Variants in CACNB2 observed in about 807,000 individuals in gnomAD.
CACNB2 encodes voltage-dependent L-type calcium channel subunit beta-2.
A neutral mutation model predicts 73.3 loss-of-function variants in CACNB2; 42 were observed. The observed-to-expected ratio is 0.57, with a 90% CI of 0.45 to 0.74. The LOEUF (loss-of-function observed/expected upper bound fraction) is 0.74. Among genes scored for constraint, CACNB2 ranks in the 30% least tolerant of loss-of-function variants. CACNB2 has a pLI of 0.00. For missense variants in CACNB2, 940 were observed against 853.0 expected (o/e 1.10, Z -1.27); for synonymous variants, 348 against 310.3 (o/e 1.12, Z -1.28).
intron 1 of CACNB2, among the ~76,000 whole-genome samples, chr10:18,144,327 G>A (rs1191558530): frequency 6.6e-6 from 1 of 152,194 alleles, no homozygotes; most frequent in African/African-American, 2.4e-5. Flanking sequence ...TGATCTGCCC[G>A]CCTTGGCCTC....
intron 2 of CACNB2, among the ~76,000 whole-genome samples, chr10:18,175,333 G>T (rs2033518260): frequency 6.6e-6 from 1 of 152,154 alleles, no homozygotes; most frequent in Non-Finnish European, 1.5e-5. Flanking sequence ...AGAAAGATCT[G>T]CCCCCAAATA....
chr10:18,533,153 T>C (rs2053231375), intron 10 of CACNB2: 1 of 152,182 alleles, frequency 6.6e-6, no homozygotes, highest in South Asian at 2.1e-4. Flanking sequence ...CATAAAAGTC[T>C]CATGGAATTC....
chr10:18,318,891 A>G (rs1330745293), intron 2 of CACNB2, among the ~76,000 whole-genome samples: 1 of 152,212 alleles, frequency 6.6e-6, no homozygotes, highest in East Asian at 1.9e-4. Context: ...AAATCAAAAC[A>G]ATGAGATACC....
chr10:18,518,462 T>C, intron 8 of CACNB2, 46 bp downstream of exon 8: 1 of 1,256,158 alleles, frequency 8.0e-7, no homozygotes, highest in Non-Finnish European at 1.2e-6. Flanking sequence ...ATGCTGAACT[T>C]CTTTGTGATG....
chr10:18,162,697 A>C (rs2032554314), intron 2 of CACNB2, among the ~76,000 whole-genome samples: 1 of 152,202 alleles, frequency 6.6e-6, no homozygotes, highest in African/African-American at 2.4e-5. Flanking sequence ...ACCTTAGGTA[A>C]GAACCAGCTC....
chr10:18,351,156 T>TTTC (rs2041690640), intron 2 of CACNB2, among the ~76,000 whole-genome samples: 2 of 151,850 alleles, frequency 1.3e-5, no homozygotes, highest in African/African-American at 4.8e-5. Context: ...TTTTCTTTTT[T>TTTC]TTTTTTTCTT....
At chr10:18,220,333 CA>C (rs2035741575) in intron 2 of CACNB2, among the ~76,000 whole-genome samples, 1 of 146,450 alleles carries the variant, frequency 6.8e-6, no homozygotes, top group Non-Finnish European at 1.5e-5. Context: ...GATCTCAGCT[CA>C]TTGCAACCCT....
chr10:18,444,410 C>CTGTTT (rs2046632905), intron 3 of CACNB2, among the ~76,000 whole-genome samples: 1 of 152,178 alleles, frequency 6.6e-6, no homozygotes. Flanking sequence ...ATTGTATTTT[C>CTGTTT]TGTTTATTTA....
intron 2 of CACNB2, among the ~76,000 whole-genome samples, chr10:18,335,548 G>A (rs1263260402): frequency 1.3e-5 from 2 of 152,086 alleles, no homozygotes; most frequent in East Asian, 1.9e-4. Flanking sequence ...GAGCCAAGAC[G>A]CTCTCCAGCC....
At chr10:18,446,786 T>A (rs1293844304) in intron 3 of CACNB2, among the ~76,000 whole-genome samples, 1 of 152,072 alleles carries the variant, frequency 6.6e-6, no homozygotes, top group Non-Finnish European at 1.5e-5. Context: ...AAAAATAAGC[T>A]AGGCACAGTG....
intron 2 of CACNB2, among the ~76,000 whole-genome samples, chr10:18,186,060 G>C (rs1348111842): frequency 3.3e-5 from 5 of 152,050 alleles, no homozygotes; most frequent in African/African-American, 1.2e-4. Flanking sequence ...TCTGCCACAT[G>C]GAAGTTATCT....
chr10:18,268,185 A>G (rs1480956608), intron 2 of CACNB2, among the ~76,000 whole-genome samples: 2 of 152,222 alleles, frequency 1.3e-5, no homozygotes, highest in African/African-American at 4.8e-5. Flanking sequence ...ATTATGTAGG[A>G]ATGTAGTGGT....
At chr10:18,496,985 C>T (rs553608075) in intron 3 of CACNB2, among the ~76,000 whole-genome samples, 158 of 151,364 alleles carry the variant, frequency 1.0e-3, no homozygotes, top group Non-Finnish European at 1.8e-3. Flanking sequence ...CTGAGGCGGG[C>T]AGATCACCCA....
intron 2 of CACNB2, among the ~76,000 whole-genome samples, chr10:18,338,272 A>G (rs978060854): frequency 3.9e-5 from 6 of 152,238 alleles, no homozygotes; most frequent in African/African-American, 1.4e-4. Context: ...CATTTCTCCA[A>G]AGAAGACATA....
chr10:18,191,731 T>C (rs2034406655), intron 2 of CACNB2, among the ~76,000 whole-genome samples: 1 of 152,206 alleles, frequency 6.6e-6, no homozygotes, highest in South Asian at 2.1e-4. Context: ...AGAATAATAG[T>C]CTCTAATCTC....
chr10:18,294,728 T>A (rs944557779), intron 2 of CACNB2, among the ~76,000 whole-genome samples: 1 of 151,872 alleles, frequency 6.6e-6, no homozygotes, highest in African/African-American at 2.4e-5. Context: ...AAGGCAGGAG[T>A]CTGCCCAGAA....
intron 2 of CACNB2, among the ~76,000 whole-genome samples, chr10:18,345,993 A>G (rs147210164): frequency 1.1e-4 from 16 of 152,306 alleles, no homozygotes; most frequent in Middle Eastern, 3.4e-3. Flanking sequence ...CAGGGGCAGC[A>G]CAAGCCAACA....
At chr10:18,536,242 C>CT in intron 12 of CACNB2, 46 bp downstream of exon 12, 5 of 281,272 alleles carry the variant, frequency 1.8e-5, no homozygotes, top group South Asian at 4.4e-5. Flanking sequence ...AGAGATCAGA[C>CT]CTTTTTTTTT....
intron 2 of CACNB2, chr10:18,206,236 C>G (rs2035086554): frequency 6.6e-6 from 1 of 152,436 alleles, no homozygotes; most frequent in Non-Finnish European, 1.5e-5. Context: ...AGGTGATTCA[C>G]CCGCCTCAGC....
Sources: allele counts gnomAD v4.1 joint callset (sites outside exome capture counted in the v4.1 genomes callset), GRCh38; gene constraint gnomAD v4.1.1; transcripts MANE v1.5; gene names NCBI Gene and HGNC (gene_info 2026-07-23, HGNC 2026-07-21).